The following DPH6 variants were observed in gnomAD, a reference collection of about 807,000 sequenced individuals.
DPH6 encodes diphthamine biosynthesis 6.
A neutral mutation model predicts 38.2 loss-of-function variants in DPH6; 33 were observed. The ratio of observed to expected loss-of-function variants is 0.86; its 90% CI spans 0.65 to 1.15. The LOEUF (loss-of-function observed/expected upper bound fraction) is 1.15. Among genes scored for constraint, DPH6 ranks in the 50% most tolerant of loss-of-function variants. The probability of loss-of-function intolerance (pLI) is 0.00; values close to 1 mark genes in which losing one functional copy is unlikely to be tolerated. For synonymous variants in DPH6, 108 were observed against 103.0 expected (o/e 1.05, Z -0.30); for missense variants, 325 against 320.0 (o/e 1.02, Z -0.12).
At chr15:35,463,230 A>G (rs183684436) in intron 3 of DPH6, among the ~76,000 whole-genome samples, 48 of 152,224 alleles carry the variant, frequency 3.2e-4, no homozygotes, top group African/African-American at 1.1e-3. Context: ...TATGCCACCA[A>G]TGGGGCTGTT....
chr15:35,146,930 G>A, the DPH6 span, among the ~76,000 whole-genome samples: 1 of 152,102 alleles, frequency 6.6e-6, no homozygotes, highest in Non-Finnish European at 1.5e-5. Flanking sequence ...AATCGTAATT[G>A]ATTCTAGAAA....
At chr15:35,223,621 G>C (rs2051457765) in intron 3 of DPH6, among the ~76,000 whole-genome samples, 1 of 152,066 alleles carries the variant, frequency 6.6e-6, no homozygotes, top group East Asian at 1.9e-4. Context: ...GGGAGGCGGA[G>C]CTTGCAGTGA....
At chr15:35,516,876 C>G (rs1050799845) in intron 3 of DPH6, among the ~76,000 whole-genome samples, 1 of 151,996 alleles carries the variant, frequency 6.6e-6, no homozygotes, top group African/African-American at 2.4e-5. Flanking sequence ...ATACCTACAC[C>G]TTTATTTGTA....
the DPH6 span, among the ~76,000 whole-genome samples, chr15:35,167,113 C>T: frequency 6.6e-6 from 1 of 151,962 alleles, no homozygotes; most frequent in Non-Finnish European, 1.5e-5. Flanking sequence ...CTAGACATGG[C>T]TTTAAATTAT....
chr15:35,326,689 G>C (rs964495355), downstream of DPH6, among the ~76,000 whole-genome samples: 9 of 152,220 alleles, frequency 5.9e-5, no homozygotes, highest in Admixed American at 2.6e-4. Flanking sequence ...TCCCACCTCA[G>C]CTGCCCAAAG....
intron 3 of DPH6, among the ~76,000 whole-genome samples, chr15:35,466,574 G>T (rs1161499110): frequency 1.3e-5 from 2 of 152,096 alleles, no homozygotes; most frequent in Admixed American, 1.3e-4. Context: ...AATTTCATTT[G>T]CAGTAATAGG....
chr15:35,194,708 C>T, the DPH6 span, among the ~76,000 whole-genome samples: 1 of 152,142 alleles, frequency 6.6e-6, no homozygotes, highest in Non-Finnish European at 1.5e-5. Context: ...CTAGTACTAA[C>T]TACATCAAAG....
chr15:35,391,038 T>A (rs571510458), intron 6 of DPH6, among the ~76,000 whole-genome samples: 2 of 151,974 alleles, frequency 1.3e-5, no homozygotes, highest in South Asian at 2.1e-4. Context: ...TGTCCTGTCT[T>A]TTTGTTAGTT....
chr15:35,275,706 C>G (rs768960588), intron 3 of DPH6, among the ~76,000 whole-genome samples: 1 of 143,310 alleles, frequency 7.0e-6, no homozygotes, highest in Non-Finnish European at 1.5e-5. Flanking sequence ...TATCTCAGAC[C>G]TTAAAGTAAA....
intron 3 of DPH6, among the ~76,000 whole-genome samples, chr15:35,312,010 G>GAAAAAAAAAAAAAAAAAAAAT (rs2052146468): frequency 9.8e-6 from 1 of 102,142 alleles, no homozygotes; most frequent in African/African-American, 3.6e-5. Context: ...TTAAGAAAAT[G>GAAAAAAAAAAAAAAAAAAAAT]AAAAAAAAAA....
At chr15:35,256,836 T>C (rs781081589) in intron 3 of DPH6, among the ~76,000 whole-genome samples, 4 of 152,304 alleles carry the variant, frequency 2.6e-5, no homozygotes, top group Non-Finnish European at 5.9e-5. Flanking sequence ...TGAGCAAGCA[T>C]ATCTGGTATG....
intron 3 of DPH6, among the ~76,000 whole-genome samples, chr15:35,534,276 C>G (rs2055134167): frequency 6.6e-6 from 1 of 150,482 alleles, no homozygotes; most frequent in Admixed American, 6.6e-5. Flanking sequence ...ACTCAGGAGG[C>G]TGAGGCAGGA....
chr15:35,545,940 G>C (rs2055344467), intron 1 of DPH6, among the ~76,000 whole-genome samples, 179 bp downstream of exon 1: 1 of 152,128 alleles, frequency 6.6e-6, no homozygotes, highest in African/African-American at 2.4e-5. Context: ...CCAGCCAGGG[G>C]CCGAGGCACA....
At chr15:35,360,985 C>T (rs1055990873) in intron 3 of DPH6, among the ~76,000 whole-genome samples, 9 of 152,164 alleles carry the variant, frequency 5.9e-5, no homozygotes, top group Admixed American at 1.3e-4. Flanking sequence ...AGTCACAGGT[C>T]TCAGGATCCA....
intron 3 of DPH6, chr15:35,237,547 C>CA: frequency 6.4e-7 from 1 of 1,551,526 alleles, no homozygotes. Context: ...TAAGCGATAA[C>CA]AGAGTCTCGG....
At chr15:35,504,030 C>T (rs377134527) in intron 3 of DPH6, among the ~76,000 whole-genome samples, 10 of 152,092 alleles carry the variant, frequency 6.6e-5, no homozygotes, top group Middle Eastern at 3.2e-3. Context: ...TTTAGTGTCA[C>T]TATCTTCTAT....
At chr15:35,251,236 C>T (rs1335848924) in intron 3 of DPH6, among the ~76,000 whole-genome samples, 1 of 152,060 alleles carries the variant, frequency 6.6e-6, no homozygotes, top group Non-Finnish European at 1.5e-5. Context: ...TCAGGGGATA[C>T]AAGTGCAGGT....
chr15:35,492,320 A>G lies in DPH6; in HGVS notation c.313-37500T>C, dbSNP rs552907120. Among the ~76,000 whole-genome samples, 42 of 152,328 alleles carry G rather than the reference A, an allele frequency of 2.8e-4. 1 individual carries two copies. Among genetic ancestry groups the G allele is most frequent in the African/African-American group, 8.2e-4 (34 of 41,592 alleles). On this transcript the variant is annotated intron_variant, in intron 3 of 8. Transcript: ENST00000256538. The stretch of plus-strand genomic sequence containing the variant: ...CGGACACACCCAGAAATAATGTTTA[A>G]CTAGATATATGGGCATGAAATTCAC...
At chr15:35,394,712 C>G in intron 6 of DPH6, among the ~76,000 whole-genome samples, 1 of 152,158 alleles carries the variant, frequency 6.6e-6, no homozygotes, top group Non-Finnish European at 1.5e-5. Flanking sequence ...AACTTGTGAT[C>G]TGTAAAATGG....
Sources: allele counts gnomAD v4.1 joint callset (sites outside exome capture counted in the v4.1 genomes callset), GRCh38; gene constraint gnomAD v4.1.1; transcripts MANE v1.5; gene names NCBI Gene and HGNC (gene_info 2026-07-23, HGNC 2026-07-21).